Variants in RAD54L2 observed in about 807,000 individuals in gnomAD.
The protein encoded by RAD54L2 is RAD54 like 2, also known as helicase ARIP4.
Under a neutral mutation model 138.4 loss-of-function variants are expected in RAD54L2, and 27 were observed. The observed-to-expected ratio is 0.20, with a 90% CI of 0.14 to 0.27. The LOEUF is 0.27. Ranked by LOEUF, RAD54L2 falls within the 10% of genes least tolerant of loss-of-function variation. The pLI, the probability that RAD54L2 is intolerant of heterozygous loss-of-function variation, is 1.00. For missense variants in RAD54L2, 1,396 were observed against 1,890.2 expected (o/e 0.74, Z 4.85); for synonymous variants, 644 against 723.2 (o/e 0.89, Z 1.76).
chr3:51,549,777 C>CA (rs5848927), intron 2 of RAD54L2, among the ~76,000 whole-genome samples: 2,769 of 62,754 alleles, frequency 0.044, 103 homozygotes, highest in African/African-American at 0.12. Context: ...GTCTCCATCT[C>CA]AAAAAAAAAA....
intron 3 of RAD54L2, among the ~76,000 whole-genome samples, chr3:51,626,094 A>G (rs1264191262): frequency 2.0e-5 from 3 of 152,102 alleles, no homozygotes; most frequent in Non-Finnish European, 4.4e-5. Context: ...CCCCACCAAA[A>G]AAAAACAACC....
intron 2 of RAD54L2, among the ~76,000 whole-genome samples, chr3:51,560,226 A>C (rs1449287296): frequency 6.6e-6 from 1 of 152,220 alleles, no homozygotes; most frequent in Non-Finnish European, 1.5e-5. Context: ...GGAGGAGGTC[A>C]CAATAGCACT....
At chr3:51,606,643 C>A (rs1700186544) in intron 3 of RAD54L2, among the ~76,000 whole-genome samples, 2 of 151,908 alleles carry the variant, frequency 1.3e-5, no homozygotes, top group South Asian at 4.2e-4. Context: ...TTTTATATCA[C>A]CCTATGGAAA....
At chr3:51,557,851 A>G (rs1699009591) in intron 2 of RAD54L2, among the ~76,000 whole-genome samples, 1 of 150,028 alleles carries the variant, frequency 6.7e-6, no homozygotes, top group Non-Finnish European at 1.5e-5. Context: ...AAAAAAAAAA[A>G]AAAGAACATT....
In RAD54L2 at chr3:51,662,961, G is replaced by A; in HGVS notation, c.3945G>A (p.Glu1315=). 1 of 1,613,954 alleles carries A rather than the reference G, an allele frequency of 6.2e-7. No homozygotes were observed. Among genetic ancestry groups the A allele is most frequent in the African/African-American group, 1.3e-5 (1 of 75,032 alleles). The part of the protein sequence containing the change: ...LTTPFTSQAG[E]NSLFMGSTPS... ...CCCCCTTCACCTCCCAGGCTGGGGA[G>A]AACTCCCTGTTTATGGGCAGTACCC... The change falls in exon 23 of 23, where the codon GAG becomes GAA. Residue 1315 remains glutamate, a synonymous_variant. Transcript: ENST00000684192. The surrounding 1 kb of genome is among the most constrained non-coding windows in gnomAD (Gnocchi z 4.6).
chr3:51,613,626 G>A (rs555739960), intron 3 of RAD54L2, among the ~76,000 whole-genome samples: 37 of 152,200 alleles, frequency 2.4e-4, no homozygotes, highest in African/African-American at 8.4e-4. Context: ...GATTAGCTGG[G>A]CATGGTGGCG....
chr3:51,560,806 G>C (rs764188060), intron 2 of RAD54L2, among the ~76,000 whole-genome samples: 1 of 152,086 alleles, frequency 6.6e-6, no homozygotes, highest in African/African-American at 2.4e-5. Context: ...ACTGAGCCAG[G>C]TATCTTTATT....
At chr3:51,597,189 A>AC (rs1180454689) in intron 3 of RAD54L2, among the ~76,000 whole-genome samples, 4 of 148,924 alleles carry the variant, frequency 2.7e-5, no homozygotes, top group Admixed American at 6.7e-5. Context: ...AAAAAAAAAA[A>AC]CCCCACAAAA....
intron 3 of RAD54L2, among the ~76,000 whole-genome samples, chr3:51,625,865 C>CA (rs148110301): frequency 0.015 from 2,134 of 145,350 alleles, 61 homozygotes; most frequent in African/African-American, 0.048. Context: ...CTATCTCTTA[C>CA]AAAAAAAAAA....
intron 2 of RAD54L2, among the ~76,000 whole-genome samples, chr3:51,558,578 C>T (rs1250577073): frequency 3.3e-5 from 5 of 151,164 alleles, no homozygotes; most frequent in African/African-American, 4.9e-5. Flanking sequence ...CAAGTGATTC[C>T]GCCCACCTTA....
chr3:51,578,441 G>A (rs1364896767), intron 2 of RAD54L2, among the ~76,000 whole-genome samples: 1 of 152,166 alleles, frequency 6.6e-6, no homozygotes, highest in Non-Finnish European at 1.5e-5. Flanking sequence ...GGGTATGTTG[G>A]CCAAGGGAGA....
At chr3:51,661,845 T>C (rs1442652187) in intron 22 of RAD54L2, among the ~76,000 whole-genome samples, 1 of 152,218 alleles carries the variant, frequency 6.6e-6, no homozygotes, top group Non-Finnish European at 1.5e-5. Context: ...ATGTTTTTCA[T>C]CATGTCATTT....
At chr3:51,582,830 A>G (rs1413257994) in intron 2 of RAD54L2, among the ~76,000 whole-genome samples, 4 of 151,360 alleles carry the variant, frequency 2.6e-5, no homozygotes, top group Non-Finnish European at 5.9e-5. Flanking sequence ...CAGTGGCGCA[A>G]TCTCGGCTCA....
At chr3:51,580,299 A>C (rs1171483355) in intron 2 of RAD54L2, among the ~76,000 whole-genome samples, 1 of 152,172 alleles carries the variant, frequency 6.6e-6, no homozygotes, top group Non-Finnish European at 1.5e-5. Flanking sequence ...AAGAGATGCC[A>C]AGGACAAGGT....
At chr3:51,628,096 TTTA>T (rs1159791188) in intron 4 of RAD54L2, among the ~76,000 whole-genome samples, 3 of 152,218 alleles carry the variant, frequency 2.0e-5, no homozygotes, top group Admixed American at 6.5e-5. Context: ...AAGAGGAGAC[TTTA>T]TAAAGTTGAG....
chr3:51,634,953 C>T (rs1019100920), intron 9 of RAD54L2, among the ~76,000 whole-genome samples: 3 of 152,176 alleles, frequency 2.0e-5, no homozygotes, highest in African/African-American at 7.2e-5. Context: ...AGAAAGTAGA[C>T]TTTACTATAT....
Position 51,660,547 on chromosome 3 carries a change from G to A in RAD54L2, c.3409+429G>A, listed in dbSNP as rs1273175810. ...AGGATGGTCTTGATCTCCTGACCTC[G>A]TGATCCGCCCGCCTCAGCCTCCCAA... On this transcript the variant is annotated intron_variant, in intron 22 of 22. Coordinates refer to ENST00000684192, the MANE Select transcript of RAD54L2 (RefSeq NM_015106.4). Among the ~76,000 whole-genome samples, 4 of 151,986 alleles carry A rather than the reference G, an allele frequency of 2.6e-5. No individual in the cohort carries two copies. The East Asian group carries it at 5.8e-4, about 22-fold the overall frequency.
At chr3:51,630,644 G>A in intron 6 of RAD54L2, 61 bp from the exon 7 acceptor site, 1 of 1,348,702 alleles carries the variant, frequency 7.4e-7, no homozygotes, top group Non-Finnish European at 1.0e-6. Flanking sequence ...TGCTCTGACT[G>A]TGTGCAGTAA....
chr3:51,577,774 G>C (rs1224639639), intron 2 of RAD54L2, among the ~76,000 whole-genome samples: 2 of 152,234 alleles, frequency 1.3e-5, no homozygotes, highest in East Asian at 3.9e-4. Context: ...GCTCCACCCA[G>C]TGTCCGACAA....
Sources: allele counts gnomAD v4.1 joint callset (sites outside exome capture counted in the v4.1 genomes callset), GRCh38; gene constraint gnomAD v4.1.1; non-coding constraint Gnocchi (gnomAD v3.1); transcripts MANE v1.5; gene names NCBI Gene and HGNC (gene_info 2026-07-23, HGNC 2026-07-21).